The following SPTLC3 variants were observed in gnomAD, a reference collection of about 807,000 sequenced individuals.
SPTLC3 encodes the protein serine palmitoyltransferase long chain base subunit 3.
Under a neutral mutation model 59.3 loss-of-function variants are expected in SPTLC3, and 36 were observed. The ratio of observed to expected loss-of-function variants is 0.61; its 90% CI spans 0.47 to 0.80. SPTLC3 has a LOEUF of 0.80. Among genes scored for constraint, SPTLC3 ranks in the 30% least tolerant of loss-of-function variants. SPTLC3 has a pLI of 0.00. For missense variants in SPTLC3, 625 were observed against 685.1 expected (o/e 0.91, Z 0.98); for synonymous variants, 257 against 240.8 (o/e 1.07, Z -0.62).
chr20:13,090,601 T>A (rs1989177965), intron 4 of SPTLC3, among the ~76,000 whole-genome samples: 1 of 152,116 alleles, frequency 6.6e-6, no homozygotes, highest in Admixed American at 6.6e-5. Context: ...GCTCAATGGA[T>A]CTCCACAAAG....
intron 1 of SPTLC3, among the ~76,000 whole-genome samples, chr20:13,032,520 A>T (rs1986534460): frequency 6.6e-6 from 1 of 152,174 alleles, no homozygotes; most frequent in Admixed American, 6.5e-5. Context: ...ATACCATTCA[A>T]GGCCCAGCCA....
intron 11 of SPTLC3, 53 bp from the exon 12 acceptor site, chr20:13,164,701 G>C (rs2038961642): frequency 1.4e-6 from 2 of 1,394,772 alleles, no homozygotes; most frequent in Non-Finnish European, 2.0e-6. Flanking sequence ...GCTCTGCAAA[G>C]CAGGGCTACT....
At chr20:13,100,547 T>C (rs6033616) in intron 6 of SPTLC3, among the ~76,000 whole-genome samples, 46,849 of 151,938 alleles carry the variant, frequency 0.31, 7,950 homozygotes, top group Middle Eastern at 0.4. Context: ...CTGGGCAACA[T>C]AGCAAGACCT....
chr20:13,094,870 C>A lies in SPTLC3; in HGVS notation c.826+1293C>A, dbSNP rs147406736. The stretch of plus-strand genomic sequence containing the variant: ...AGAGCCAAACTATGGCCCCCTCAGA[C>A]TTATAGGGTGGCTATAACATCTGGC... On this transcript the variant is annotated intron_variant, in intron 6 of 11. Coordinates refer to ENST00000399002, the MANE Select transcript of SPTLC3 (RefSeq NM_018327.4). Among the ~76,000 whole-genome samples the A allele has an allele frequency of 2.6e-5, 4 of 152,172 alleles. No homozygotes were observed. In the South Asian group the frequency reaches 8.3e-4, roughly 32 times the overall value.
At chr20:13,051,741 C>T (rs1035861702) in intron 2 of SPTLC3, among the ~76,000 whole-genome samples, 9 of 152,162 alleles carry the variant, frequency 5.9e-5, no homozygotes, top group African/African-American at 2.2e-4. Context: ...CAAGCACTCT[C>T]TCAGGCCACA....
Position 13,126,687 on chromosome 20 carries a change from C to T in SPTLC3, c.1249C>T (p.Leu417Phe), listed in dbSNP as rs1322085111. ...AGAGCAAATCATCAGATCACTAAAA[C>T]TTATCATGGGACTGGATGGGACCAC... ...IAEQIIRSLK[L>F]IMGLDGTTQG... The change falls in exon 9 of 12, where the codon CTT becomes TTT. Residue 417 changes from leucine (L) to phenylalanine (F), a missense_variant. By Grantham distance (22) the Leu-to-Phe change is conservative. Transcript: ENST00000399002. 1.2e-6 allele frequency: 2 copies of T among 1,614,070 alleles called. No homozygotes were observed. The highest frequency in any genetic ancestry group is 1.7e-5 in the Admixed American group (1 of 60,026).
intron 1 of SPTLC3, among the ~76,000 whole-genome samples, chr20:13,017,587 T>A (rs569989349): frequency 6.6e-6 from 1 of 152,326 alleles, no homozygotes; most frequent in South Asian, 2.1e-4. Flanking sequence ...CAACATAGAT[T>A]CATAAACTTT....
intron 1 of SPTLC3, among the ~76,000 whole-genome samples, chr20:13,010,228 T>C (rs1404788440): frequency 6.6e-6 from 1 of 152,104 alleles, no homozygotes; most frequent in Non-Finnish European, 1.5e-5. Context: ...AGTGAGCTCA[T>C]CTGCCTGAGG....
intron 2 of SPTLC3, among the ~76,000 whole-genome samples, chr20:13,060,207 C>T (rs1045787536): frequency 1.3e-5 from 2 of 152,164 alleles, no homozygotes; most frequent in African/African-American, 4.8e-5. Context: ...TATCAGACTG[C>T]TCCAATGCAG....
intron 1 of SPTLC3, among the ~76,000 whole-genome samples, chr20:13,025,044 A>G (rs576867961): frequency 3.0e-4 from 46 of 152,318 alleles, no homozygotes; most frequent in African/African-American, 1.1e-3. Flanking sequence ...GTCTCATGTT[A>G]CAAGCAAAGG....
intron 8 of SPTLC3, among the ~76,000 whole-genome samples, chr20:13,118,394 G>A (rs545610794): frequency 1.7e-4 from 23 of 133,428 alleles, no homozygotes; most frequent in African/African-American, 5.7e-4. Flanking sequence ...GGATTAGACT[G>A]TTAAGTGAGT....
At position 13,117,802 on chromosome 20, in the gene SPTLC3, C is replaced by T. The variant is rs1361108563; in HGVS notation, c.1152+77C>T. 3.0e-6 allele frequency: 4 copies of T among 1,354,070 alleles called. No individual in the cohort carries two copies. The African/African-American group carries it at 4.4e-5, about 15-fold the overall frequency. The allele number at this position is 1,354,070 out of a possible 1,614,324, so 83.9% of individuals were successfully genotyped here. A position where few individuals can be genotyped will look rare whatever the true frequency, so the allele number is the denominator to read the frequency against. ...CCGTGTGTAGGGCTTCTCTGAATTT[C>T]ATGAAAGCTTCAATTCAGTTCACCA... is the stretch of plus-strand genomic sequence containing the variant. On this transcript the variant is annotated intron_variant, in intron 8 of 11. Transcript: ENST00000399002.
chr20:13,152,976 C>T (rs2038682976), intron 9 of SPTLC3, among the ~76,000 whole-genome samples: 1 of 152,200 alleles, frequency 6.6e-6, no homozygotes, highest in Non-Finnish European at 1.5e-5. Context: ...AATCTCTGAC[C>T]AGTTCGTCTG....
chr20:13,160,056 T>C lies in SPTLC3; in HGVS notation c.1469T>C (p.Phe490Ser). The change falls in exon 11 of 12, where the codon TTT becomes TCT. Residue 490 changes from phenylalanine to serine, a missense_variant. Transcript: ENST00000399002. ...EKKIGVVVVG[F>S]PATPLAEARA... Reference sequence around the variant, plus strand: ...AAAATTGGAGTGGTGGTCGTGGGATTTCCAGCCACTCCCCTCGCAGAAGCT... The same window carrying C: ...AAAATTGGAGTGGTGGTCGTGGGATCTCCAGCCACTCCCCTCGCAGAAGCT... 1 of 1,613,926 alleles carries C rather than the reference T, an allele frequency of 6.2e-7. No individual in the cohort carries two copies. Among genetic ancestry groups the C allele is most frequent in the East Asian group, 2.2e-5 (1 of 44,864 alleles).
At chr20:13,123,154 A>C (rs1458802816) in intron 8 of SPTLC3, among the ~76,000 whole-genome samples, 1 of 152,034 alleles carries the variant, frequency 6.6e-6, no homozygotes, top group South Asian at 2.1e-4. Flanking sequence ...AACATGGTGA[A>C]ACCCCATCTC....
chr20:13,115,894 C>A (rs965134502), intron 7 of SPTLC3, among the ~76,000 whole-genome samples: 6 of 152,192 alleles, frequency 3.9e-5, no homozygotes, highest in Non-Finnish European at 8.8e-5. Context: ...GAGAACATCA[C>A]GCAAATTGCC....
At chr20:13,014,789 T>TA (rs59783373) in intron 1 of SPTLC3, among the ~76,000 whole-genome samples, 51,664 of 141,306 alleles carry the variant, frequency 0.37, 10,061 homozygotes, top group Middle Eastern at 0.5. Context: ...TGTCTAAATT[T>TA]AAAAAAAAAA....
At chr20:13,097,684 T>C (rs936628611) in intron 6 of SPTLC3, among the ~76,000 whole-genome samples, 1 of 152,172 alleles carries the variant, frequency 6.6e-6, no homozygotes, top group Non-Finnish European at 1.5e-5. Flanking sequence ...ATCATTTATA[T>C]GGGATGCAGG....
At chr20:13,081,527 A>G (rs1988842299) in intron 4 of SPTLC3, among the ~76,000 whole-genome samples, 1 of 152,234 alleles carries the variant, frequency 6.6e-6, no homozygotes, top group Non-Finnish European at 1.5e-5. Flanking sequence ...TGCCTAAAGT[A>G]TATTTTAAAT....
Sources: allele counts gnomAD v4.1 joint callset (sites outside exome capture counted in the v4.1 genomes callset), GRCh38; gene constraint gnomAD v4.1.1; transcripts MANE v1.5; gene names NCBI Gene and HGNC (gene_info 2026-07-23, HGNC 2026-07-21).